KAZN: variants seen among roughly 807,000 people sequenced by gnomAD.
KAZN encodes kazrin, periplakin interacting protein, also known as kazrin.
A neutral mutation model predicts 87.4 loss-of-function variants in KAZN; 40 were observed. The ratio of observed to expected loss-of-function variants is 0.46; its 90% CI spans 0.36 to 0.60. The LOEUF is 0.60. Among genes scored for constraint, KAZN ranks in the 20% least tolerant of loss-of-function variants. The probability of loss-of-function intolerance (pLI) is 0.00; values close to 1 mark genes in which losing one functional copy is unlikely to be tolerated. For missense variants in KAZN, 898 were observed against 1,073.9 expected (o/e 0.84, Z 2.29); for synonymous variants, 466 against 458.3 (o/e 1.02, Z -0.22).
chr1:14,413,557 C>A (rs1428226586), intron 2 of KAZN, among the ~76,000 whole-genome samples: 2 of 142,678 alleles, frequency 1.4e-5, no homozygotes, highest in Non-Finnish European at 3.0e-5. Context: ...CCACTGCACT[C>A]CAGCCTGGGC....
intron 2 of KAZN, among the ~76,000 whole-genome samples, chr1:14,339,019 C>G (rs1006069406): frequency 1.6e-5 from 2 of 124,168 alleles, no homozygotes. Flanking sequence ...CCCAGAGACT[C>G]TGAAAAAAGA....
intron 1 of KAZN, among the ~76,000 whole-genome samples, chr1:14,841,638 G>A (rs1225491827): frequency 6.6e-6 from 1 of 152,172 alleles, no homozygotes; most frequent in Admixed American, 6.5e-5. Flanking sequence ...TGCACCCAGT[G>A]ACGTCACATT....
intron 2 of KAZN, among the ~76,000 whole-genome samples, chr1:14,344,292 G>A (rs1657955018): frequency 6.7e-6 from 1 of 149,414 alleles, no homozygotes; most frequent in Non-Finnish European, 1.5e-5. Context: ...AGATGTGCTG[G>A]AATTATAAAA....
intron 1 of KAZN, among the ~76,000 whole-genome samples, chr1:13,989,491 T>G (rs1199564489): frequency 2.0e-5 from 3 of 152,324 alleles, no homozygotes; most frequent in East Asian, 3.9e-4. Context: ...AGTAGAGACC[T>G]CAGGCATCTG....
At position 14,444,813 on chromosome 1, in the gene KAZN, T is replaced by C. The variant is rs541011190; in HGVS notation, c.250-154170T>C. ...AATAAGAGCCCAAAACATTTATATA[T>C]CTAATCACCGCACTAGCCTCATATC... is the stretch of plus-strand genomic sequence containing the variant. On this transcript the variant is annotated intron_variant, in intron 2 of 16. Transcript: ENST00000636203. Among the ~76,000 whole-genome samples, 6 of 152,142 alleles carry C rather than the reference T, an allele frequency of 3.9e-5. No homozygotes were observed. The East Asian group carries it at 1.2e-3, about 29-fold the overall frequency.
chr1:14,330,267 C>G (rs1484330448), intron 2 of KAZN, among the ~76,000 whole-genome samples: 1 of 152,160 alleles, frequency 6.6e-6, no homozygotes. Flanking sequence ...TATCTGCAGT[C>G]AAATATAACC....
chr1:14,633,389 T>C (rs1177237971), intron 1 of KAZN, among the ~76,000 whole-genome samples: 2 of 152,108 alleles, frequency 1.3e-5, no homozygotes, highest in Non-Finnish European at 2.9e-5. Flanking sequence ...GAAGGCCGTG[T>C]GACAGCAGCA....
chr1:14,438,682 A>T (rs1041981388), intron 2 of KAZN, among the ~76,000 whole-genome samples: 2 of 152,216 alleles, frequency 1.3e-5, no homozygotes, highest in Admixed American at 6.5e-5. Context: ...GGCACCTGTC[A>T]TGGAGGGCTT....
At chr1:14,032,325 T>C (rs1641363398) in intron 1 of KAZN, among the ~76,000 whole-genome samples, 1 of 152,208 alleles carries the variant, frequency 6.6e-6, no homozygotes, top group Non-Finnish European at 1.5e-5. Flanking sequence ...ATCTTCAAGA[T>C]ACAGACAGGA....
At chr1:15,103,742 G>T (rs113645962) in intron 12 of KAZN, among the ~76,000 whole-genome samples, 1 of 152,146 alleles carries the variant, frequency 6.6e-6, no homozygotes, top group African/African-American at 2.4e-5. Flanking sequence ...GGGGTAGAGA[G>T]GCTGAGCCAG....
chr1:15,047,252 T>C (rs527950573), intron 4 of KAZN, among the ~76,000 whole-genome samples: 2 of 152,278 alleles, frequency 1.3e-5, no homozygotes, highest in African/African-American at 4.8e-5. Context: ...TTCCCTCCAT[T>C]GCCCGCCATG....
At chr1:14,518,999 G>A (rs552639469) in intron 2 of KAZN, among the ~76,000 whole-genome samples, 3 of 152,304 alleles carry the variant, frequency 2.0e-5, no homozygotes, top group South Asian at 4.1e-4. Flanking sequence ...GAATAATGAG[G>A]CAAGTATTTT....
chr1:14,916,359 G>A (rs1210315087), intron 1 of KAZN, among the ~76,000 whole-genome samples: 1 of 151,820 alleles, frequency 6.6e-6, no homozygotes, highest in Non-Finnish European at 1.5e-5. Context: ...TAGTAGAGAT[G>A]GGGTTTCACC....
chr1:14,544,072 A>G (rs10927460), intron 2 of KAZN, among the ~76,000 whole-genome samples: 32,600 of 152,108 alleles, frequency 0.21, 3,636 homozygotes, highest in African/African-American at 0.25. Flanking sequence ...CAGGCTTTTC[A>G]AAGTTTAGGG....
intron 1 of KAZN, among the ~76,000 whole-genome samples, chr1:14,036,884 A>G (rs919588922): frequency 2.6e-5 from 4 of 151,858 alleles, no homozygotes; most frequent in East Asian, 1.9e-4. Flanking sequence ...GGTTCAAGCA[A>G]TTCTCCTGCC....
chr1:14,262,720 T>C (rs1298051921), intron 2 of KAZN, among the ~76,000 whole-genome samples: 1 of 152,230 alleles, frequency 6.6e-6, no homozygotes, highest in Non-Finnish European at 1.5e-5. Flanking sequence ...TAGTAAGAAA[T>C]ACAGGCTTTT....
chr1:14,965,217 G>A (rs1664322263), intron 2 of KAZN, among the ~76,000 whole-genome samples: 1 of 151,906 alleles, frequency 6.6e-6, no homozygotes, highest in African/African-American at 2.4e-5. Context: ...ACGGAGGCTT[G>A]CCATGTTGCT....
intron 2 of KAZN, among the ~76,000 whole-genome samples, chr1:14,514,393 ATAT>A (rs1198629443): frequency 1.5e-3 from 31 of 20,734 alleles, no homozygotes; most frequent in African/African-American, 4.5e-3. Flanking sequence ...TATATTATAT[ATAT>A]TTATATATAT....
chr1:14,642,075 A>G (rs1680445624), intron 1 of KAZN, among the ~76,000 whole-genome samples: 1 of 152,224 alleles, frequency 6.6e-6, no homozygotes, highest in Non-Finnish European at 1.5e-5. Flanking sequence ...AAGATGCCCA[A>G]CATCATTAGC....
Sources: allele counts gnomAD v4.1 joint callset (sites outside exome capture counted in the v4.1 genomes callset), GRCh38; gene constraint gnomAD v4.1.1; transcripts MANE v1.5; gene names NCBI Gene and HGNC (gene_info 2026-07-23, HGNC 2026-07-21).